The following CHD3 variants were observed in gnomAD, a reference collection of about 807,000 sequenced individuals.
CHD3 encodes the protein chromodomain helicase DNA binding protein 3.
Under a neutral mutation model 248.9 loss-of-function variants are expected in CHD3, and 52 were observed. The observed-to-expected ratio is 0.21, with a 90% CI of 0.17 to 0.26. The LOEUF is 0.26. Ranked by LOEUF, CHD3 falls within the 10% of genes least tolerant of loss-of-function variation. CHD3 has a pLI of 1.00. For synonymous variants in CHD3, 985 were observed against 985.2 expected, an observed-to-expected ratio of 1.00 and a Z score of 0.00; for missense variants, 1,482 against 2,605.8, an observed-to-expected ratio of 0.57 and a Z score of 9.39.
Position 7,894,285 on chromosome 17 carries a change from T to C in CHD3, c.1075+20T>C, listed in dbSNP as rs1368963603. 1 of 1,609,046 alleles carries C rather than the reference T, an allele frequency of 6.2e-7. No homozygotes were observed. The highest frequency in any genetic ancestry group is 1.7e-5 in the Admixed American group (1 of 59,492). ...AGAAGGGTAAGGAGTGTTGACTGTG[T>C]GTGATCCTGTCAGTGGGCCGTCCTC... On this transcript the variant is annotated intron_variant, in intron 7 of 39. Transcript: ENST00000330494.
In CHD3 at chr17:7,906,378, G is replaced by A; in HGVS notation, c.4359-175G>A. The A allele has an allele frequency of 1.4e-6, 1 of 702,978 alleles. No homozygotes were observed. The highest frequency in any genetic ancestry group is 1.7e-5 in the South Asian group (1 of 58,536). The allele number at this position is 702,978 out of a possible 1,614,324, so 43.5% of individuals were successfully genotyped here. On this transcript the variant is annotated intron_variant, in intron 28 of 39. Transcript: ENST00000330494. The surrounding 1 kb of genome is among the most constrained non-coding windows in gnomAD (Gnocchi z 5.0). ...AAGACCCAGGGGTGGGGCGCAGGGG[G>A]ACAGTTAGGACTTGGAGGGCTGGTA...
chr17:7,908,554 C>T lies in CHD3; in HGVS notation c.5261+44C>T. 1.3e-6 allele frequency: 2 copies of T among 1,566,326 alleles called. No homozygotes were observed. Among genetic ancestry groups the T allele is most frequent in the Non-Finnish European group, 1.7e-6 (2 of 1,149,284 alleles). The stretch of plus-strand genomic sequence containing the variant: ...GCAAGAAGGAAAAGGTTCTCTCAAG[C>T]TGGCAAAAAAAAAAAAGATGATTTC... On this transcript the variant is annotated intron_variant, in intron 35 of 39. Transcript: ENST00000330494. This position sits in a 1 kb window ranked among gnomAD's most constrained non-coding sequence, Gnocchi z 5.8.
chr17:7,889,776 TGTAA>T lies in CHD3; in HGVS notation c.213+3_213+6del, dbSNP rs1567833149. On this transcript the variant is annotated splice_donor_variant and splice_donor_region_variant and intron_variant, in intron 2 of 39. Coordinates refer to ENST00000330494, the MANE Select transcript of CHD3 (RefSeq NM_001005273.3). LOFTEE classifies it high-confidence loss of function. This position sits in a 1 kb window ranked among gnomAD's most constrained non-coding sequence, Gnocchi z 4.5. Reference sequence around the variant, plus strand: ...GAAAACCCCGAAAACGCAAGAAGCGTGTAAGTGTCAAGAATTCCTAACTCTGTGG... The same window carrying T: ...GAAAACCCCGAAAACGCAAGAAGCGTGTGTCAAGAATTCCTAACTCTGTGG... 2 of 1,608,180 alleles carry T rather than the reference TGTAA, an allele frequency of 1.2e-6. No homozygotes were observed. The highest frequency in any genetic ancestry group is 2.2e-5 in the East Asian group (1 of 44,654).
chr17:7,885,103 C>T (rs1027113153), upstream of CHD3: 5 of 967,424 alleles, frequency 5.2e-6, no homozygotes, highest in East Asian at 5.8e-4. Context: ...CGCCCCGACT[C>T]CCCCCCCAAG....
Position 7,906,015 on chromosome 17 carries a change from G to A in CHD3, c.4358+26G>A. 1 of 1,612,666 alleles carries A rather than the reference G, an allele frequency of 6.2e-7. No individual in the cohort carries two copies. Among genetic ancestry groups the A allele is most frequent in the Non-Finnish European group, 8.5e-7 (1 of 1,179,018 alleles). ...GTGAGTGTGGGTGATACAGGGCTGA[G>A]TTGGACGCAAGGGGAAGAGCTTTGG... On this transcript the variant is annotated intron_variant, in intron 28 of 39. Coordinates refer to ENST00000330494, the MANE Select transcript of CHD3 (RefSeq NM_001005273.3). This position sits in a 1 kb window ranked among gnomAD's most constrained non-coding sequence, Gnocchi z 5.0.
At position 7,890,389 on chromosome 17, in the gene CHD3, A is replaced by G. The variant is rs1337341299; in HGVS notation, c.214-182A>G. ...GGTTGCAGTGAGCCGAGATCACGTC[A>G]GTGCACTCCAGCATGGGTGACAGAG... On this transcript the variant is annotated intron_variant, in intron 2 of 39. Coordinates refer to ENST00000330494, the MANE Select transcript of CHD3 (RefSeq NM_001005273.3). The G allele has an allele frequency of 5.9e-6, 3 of 509,178 alleles. No homozygotes were observed. In the African/African-American group the frequency reaches 5.9e-5, roughly 10 times the overall value. 31.5% of individuals were successfully genotyped at this position (509,178 alleles called of 1,614,324 possible). A position where few individuals can be genotyped will look rare whatever the true frequency, so the allele number is the denominator to read the frequency against.
In CHD3 at chr17:7,900,390, T is replaced by G; in HGVS notation, c.2783T>G (p.Phe928Cys). ...NLEELFHLLN[F>C]LTPERFNNLE... ...GAGGAGCTCTTCCATCTCCTGAACTTCCTCACCCCAGAGAGATTTAAGTAA... is the reference window on the plus strand; with the variant it reads ...GAGGAGCTCTTCCATCTCCTGAACTGCCTCACCCCAGAGAGATTTAAGTAA... The change falls in exon 17 of 40, where the codon TTC (phenylalanine) becomes TGC (cysteine). Residue 928 changes from phenylalanine to cysteine, a missense_variant. Around this residue, in one of 20 missense-constraint regions of CHD3, gnomAD observed 36 missense variants for 189.3 expected, o/e 0.19. Coordinates refer to ENST00000330494, the MANE Select transcript of CHD3 (RefSeq NM_001005273.3). This position sits in a 1 kb window ranked among gnomAD's most constrained non-coding sequence, Gnocchi z 6.5. 6.2e-7 allele frequency: 1 copy of G among 1,614,106 alleles called. No individual in the cohort carries two copies. Among genetic ancestry groups the G allele is most frequent in the Non-Finnish European group, 8.5e-7 (1 of 1,180,028 alleles).
At chr17:7,896,732 C>G (rs542765786) in intron 10 of CHD3, among the ~76,000 whole-genome samples, 18 of 149,258 alleles carry the variant, frequency 1.2e-4, no homozygotes, top group Admixed American at 1.2e-3. Context: ...GATCTTGGCT[C>G]GCTGCAACCT....
chr17:7,900,081 A>G lies in CHD3; in HGVS notation c.2682+48A>G. On this transcript the variant is annotated intron_variant, in intron 16 of 39. Transcript: ENST00000330494. The surrounding 1 kb of genome is among the most constrained non-coding windows in gnomAD (Gnocchi z 6.5). Reference sequence around the variant, plus strand: ...AAAAACTTGAAGTTGTGGACTTCCCACTTGCCTTGGTCCTAAAAAACAACA... The same window carrying G: ...AAAAACTTGAAGTTGTGGACTTCCCGCTTGCCTTGGTCCTAAAAAACAACA... 6.4e-7 allele frequency: 1 copy of G among 1,571,888 alleles called. No individual in the cohort carries two copies. Among genetic ancestry groups the G allele is most frequent in the Non-Finnish European group, 8.6e-7 (1 of 1,156,076 alleles).
rs898846885 is a variant in CHD3 at position 7,909,508 on chromosome 17, C to G, written c.5590+170C>G. The stretch of plus-strand genomic sequence containing the variant: ...CTGGCACCCCCTTGGATTTTAGCCT[C>G]TAGGACTTGTGCAAGCCAACCCTCA... On this transcript the variant is annotated intron_variant, in intron 37 of 39. Transcript: ENST00000330494. This position sits in a 1 kb window ranked among gnomAD's most constrained non-coding sequence, Gnocchi z 8.1. 7 of 1,016,450 alleles carry G rather than the reference C, an allele frequency of 6.9e-6. No homozygotes were observed. The highest frequency in any genetic ancestry group is 3.5e-5 in the South Asian group (2 of 57,662). 63.0% of individuals were successfully genotyped at this position (1,016,450 alleles called of 1,614,324 possible).
At position 7,909,394 on chromosome 17, in the gene CHD3, C is replaced by A; in HGVS notation, c.5590+56C>A. 1 of 1,477,638 alleles carries A rather than the reference C, an allele frequency of 6.8e-7. No homozygotes were observed. The highest frequency in any genetic ancestry group is 2.3e-4 in the Middle Eastern group (1 of 4,362). The allele number at this position is 1,477,638 out of a possible 1,614,324, so 91.5% of individuals were successfully genotyped here. A position where few individuals can be genotyped will look rare whatever the true frequency, so the allele number is the denominator to read the frequency against. ...GGGCCCACAACGCTGCGTAAGTCTT[C>A]ACCCCGCACCCCTCAAAATCTTCCC... On this transcript the variant is annotated intron_variant, in intron 37 of 39. Transcript: ENST00000330494. The surrounding 1 kb of genome is among the most constrained non-coding windows in gnomAD (Gnocchi z 8.1).
chr17:7,908,555 T>G lies in CHD3; in HGVS notation c.5261+45T>G. ...CAAGAAGGAAAAGGTTCTCTCAAGCTGGCAAAAAAAAAAAAGATGATTTCA... is the reference window on the plus strand; with the variant it reads ...CAAGAAGGAAAAGGTTCTCTCAAGCGGGCAAAAAAAAAAAAGATGATTTCA... On this transcript the variant is annotated intron_variant, in intron 35 of 39. Coordinates refer to ENST00000330494, the MANE Select transcript of CHD3 (RefSeq NM_001005273.3). This position sits in a 1 kb window ranked among gnomAD's most constrained non-coding sequence, Gnocchi z 5.8. The G allele has an allele frequency of 6.4e-7, 1 of 1,560,162 alleles. No homozygotes were observed. The highest frequency in any genetic ancestry group is 1.9e-5 in the Admixed American group (1 of 53,976).
At position 7,910,508 on chromosome 17, in the gene CHD3, C is replaced by G. The variant is rs769257772; in HGVS notation, c.5671C>G (p.Pro1891Ala). The part of the protein sequence containing the change: ...RLPATLSRIP[P>A]IAARLQMSER... Reference sequence around the variant, plus strand: ...GCCAGCCACGCTGTCCCGAATACCCCCCATCGCAGCCCGCCTTCAGATGTC... The same window carrying G: ...GCCAGCCACGCTGTCCCGAATACCCGCCATCGCAGCCCGCCTTCAGATGTC... The change falls in exon 38 of 40, where the codon CCC becomes GCC. Residue 1891 changes from proline (P) to alanine (A), a missense_variant. Transcript: ENST00000330494. This position sits in a 1 kb window ranked among gnomAD's most constrained non-coding sequence, Gnocchi z 4.7. The G allele has an allele frequency of 3.1e-6, 5 of 1,613,900 alleles. No individual in the cohort carries two copies. The highest frequency in any genetic ancestry group is 4.5e-5 in the East Asian group (2 of 44,894).
rs775779961 is a variant in CHD3, at chr17:7,910,505, C to T, written c.5668C>T (p.Pro1890Ser). 6.2e-7 allele frequency: 1 copy of T among 1,613,794 alleles called. No individual in the cohort carries two copies. Among genetic ancestry groups the T allele is most frequent in the Non-Finnish European group, 8.5e-7 (1 of 1,180,022 alleles). ...TRLPATLSRIPPIAARLQMSE... is the reference protein window; with the variant it reads ...TRLPATLSRISPIAARLQMSE... ...CCTGCCAGCCACGCTGTCCCGAATA[C>T]CCCCCATCGCAGCCCGCCTTCAGAT... The change falls in exon 38 of 40, where the codon CCC becomes TCC. Residue 1890 changes from proline to serine, a missense_variant. Physicochemically the swap from Pro to Ser is moderately conservative, Grantham distance 74 (BLOSUM62 -1). Around this residue, in one of 20 missense-constraint regions of CHD3, gnomAD observed 83 missense variants for 181.0 expected, o/e 0.46. Coordinates refer to ENST00000330494, the MANE Select transcript of CHD3 (RefSeq NM_001005273.3). This position sits in a 1 kb window ranked among gnomAD's most constrained non-coding sequence, Gnocchi z 4.7.
chr17:7,888,726 G>T, upstream of CHD3: 1 of 952,248 alleles, frequency 1.1e-6, no homozygotes, highest in South Asian at 2.2e-5. Context: ...GTGTGGGTGT[G>T]GGTGCGCGCG....
Position 7,899,640 on chromosome 17 carries a change from C to G in CHD3, c.2544+97C>G. The G allele has an allele frequency of 8.0e-7, 1 of 1,252,886 alleles. No homozygotes were observed. Among genetic ancestry groups the G allele is most frequent in the South Asian group, 1.4e-5 (1 of 73,680 alleles). 77.6% of individuals were successfully genotyped at this position (1,252,886 alleles called of 1,614,324 possible). On this transcript the variant is annotated intron_variant, in intron 15 of 39. Transcript: ENST00000330494. The surrounding 1 kb of genome is among the most constrained non-coding windows in gnomAD (Gnocchi z 6.8). Reference sequence around the variant, plus strand: ...TTTCTCTATTCCCCTCCTCACCTTTCTCCTCTTCCTCCACCTGTCCTCCTG... The same window carrying G: ...TTTCTCTATTCCCCTCCTCACCTTTGTCCTCTTCCTCCACCTGTCCTCCTG...
Position 7,906,957 on chromosome 17 carries a change from C to A in CHD3, c.4592C>A (p.Ala1531Asp). 1.2e-6 allele frequency: 2 copies of A among 1,614,176 alleles called. No homozygotes were observed. The highest frequency in any genetic ancestry group is 1.3e-5 in the African/African-American group (1 of 75,040). Residue 1531 changes from alanine (A) to aspartate (D), a missense_variant, in exon 30 of 40, where the codon GCC (alanine) becomes GAC (aspartate). By Grantham distance (126) the Ala-to-Asp change is moderately radical. Transcript: ENST00000330494. The surrounding 1 kb of genome is among the most constrained non-coding windows in gnomAD (Gnocchi z 5.0). ...GCCGATTCTAAGCGCTCCTCCAGAG[C>A]CTCCTCTCCTACCAAAACGTCTCCC... ...PSADSKRSSRASSPTKTSPTT... is the reference protein window; with the variant it reads ...PSADSKRSSRDSSPTKTSPTT...
In CHD3 at chr17:7,903,337, C is replaced by T. The variant is rs199967836; in HGVS notation, c.3561C>T (p.Arg1187=). 1.3e-5 allele frequency: 21 copies of T among 1,614,166 alleles called. No homozygotes were observed. The highest frequency in any genetic ancestry group is 2.2e-5 in the South Asian group (2 of 91,086). ...TGATGATTTACCGGTTTGTGACTCG[C>T]GCGTCAGTGGAAGAGCGAATCACAC... ...NKVMIYRFVT[R]ASVEERITQV... The change falls in exon 23 of 40, where the codon CGC becomes CGT. Residue 1187 remains arginine (R), a synonymous_variant. Coordinates refer to ENST00000330494, the MANE Select transcript of CHD3 (RefSeq NM_001005273.3). This position sits in a 1 kb window ranked among gnomAD's most constrained non-coding sequence, Gnocchi z 6.8.
intron 4 of CHD3, among the ~76,000 whole-genome samples, chr17:7,892,217 G>A (rs1968970663): frequency 6.6e-6 from 1 of 152,104 alleles, no homozygotes; most frequent in African/African-American, 2.4e-5. Context: ...ACCCGTGTCC[G>A]CACAAGAGTT....
Sources: allele counts gnomAD v4.1 joint callset (sites outside exome capture counted in the v4.1 genomes callset), GRCh38; gene constraint gnomAD v4.1.1; regional missense constraint gnomAD v4.1.1; non-coding constraint Gnocchi (gnomAD v3.1); transcripts MANE v1.5; gene names NCBI Gene and HGNC (gene_info 2026-07-23, HGNC 2026-07-21).